NSUN2: variants seen among roughly 807,000 people sequenced by gnomAD.
NSUN2 encodes RNA cytosine C(5)-methyltransferase NSUN2.
In NSUN2, 63 loss-of-function variants were observed where a neutral mutation model predicts 92.7. That is an observed-to-expected ratio of 0.68 (90% CI 0.56 to 0.84). The LOEUF (loss-of-function observed/expected upper bound fraction) is 0.84, where lower values mean the gene tolerates loss of function less well. Among genes scored for constraint, NSUN2 ranks in the 40% least tolerant of loss-of-function variants. The pLI, the probability that NSUN2 is intolerant of heterozygous loss-of-function variation, is 0.00. For synonymous variants in NSUN2, 356 were observed against 348.3 expected (o/e 1.02, Z -0.25); for missense variants, 989 against 964.9 (o/e 1.02, Z -0.33).
At chr5:6,629,910 C>T (rs1452557386) in intron 3 of NSUN2, among the ~76,000 whole-genome samples, 1 of 152,202 alleles carries the variant, frequency 6.6e-6, no homozygotes, top group African/African-American at 2.4e-5. Flanking sequence ...TTTAAGCTTC[C>T]TGAGGCCTCC....
Position 6,607,285 on chromosome 5 carries a change from A to G in NSUN2, c.1423T>C (p.Ser475Pro). The G allele has an allele frequency of 1.2e-6, 2 of 1,614,206 alleles. No homozygotes were observed. The highest frequency in any genetic ancestry group is 1.7e-6 in the Non-Finnish European group (2 of 1,180,032). The change falls in exon 13 of 19, where the codon TCA (serine) becomes CCA (proline). Residue 475 changes from serine to proline, a missense_variant. By Grantham distance (74) the Ser-to-Pro change is moderately conservative. Transcript: ENST00000264670. ...TCTGTGTCACCAGTTCCTGTGAATG[A>G]CGGACTTTCCAGCTTAGAGGGATCT... is the stretch of plus-strand genomic sequence containing the variant. ...PTDPSKLESP[S>P]FTGTGDTEIA...
intron 8 of NSUN2, among the ~76,000 whole-genome samples, chr5:6,617,380 A>G (rs1332264695): frequency 1.3e-5 from 2 of 152,236 alleles, no homozygotes; most frequent in Non-Finnish European, 2.9e-5. Context: ...TGTCAAATGA[A>G]AAAAAGAATA....
At position 6,632,207 on chromosome 5, in the gene NSUN2, C is replaced by A. The variant is rs8192120; in HGVS notation, c.255-230G>T. On this transcript the variant is annotated intron_variant, in intron 2 of 18. Coordinates refer to ENST00000264670, the MANE Select transcript of NSUN2 (RefSeq NM_017755.6). ...TCCTTCTCTCCTAAGCATATCCTAC[C>A]GTTAAGTTTTACTTGCGACTCATTT... 0.45 allele frequency among the ~76,000 whole-genome samples: 67,623 copies of A among 151,462 alleles called. 15,964 individuals carry two copies. Among genetic ancestry groups the A allele is most frequent in the East Asian group, 0.73 (3,760 of 5,118 alleles).
At chr5:6,620,560 C>CA in intron 6 of NSUN2, 1 of 331,062 alleles carries the variant, frequency 3.0e-6, no homozygotes, top group Non-Finnish European at 5.4e-6. Context: ...ATTACCATGC[C>CA]AAAAATGTCT....
In NSUN2 at chr5:6,604,225, T is replaced by C. The variant is rs780042180; in HGVS notation, c.1870A>G (p.Met624Val). ...FINSRIITVS[M>V]EDVKILLTQE... The stretch of plus-strand genomic sequence containing the variant: ...GTCAACAGTATCTTAACATCTTCCA[T>C]TGATACAGTAATAATTCTTGAGTTA... The change falls in exon 17 of 19, where the codon ATG (methionine) becomes GTG (valine). Residue 624 changes from methionine (M) to valine (V), a missense_variant. Coordinates refer to ENST00000264670, the MANE Select transcript of NSUN2 (RefSeq NM_017755.6). 33 of 1,606,854 alleles carry C rather than the reference T, an allele frequency of 2.1e-5. No homozygotes were observed. The highest frequency in any genetic ancestry group is 1.7e-4 in the South Asian group (15 of 90,890).
At chr5:6,604,538 G>C in intron 16 of NSUN2, 67 bp downstream of exon 16, 1 of 1,400,264 alleles carries the variant, frequency 7.1e-7, no homozygotes. Context: ...TGACCAGCAA[G>C]CCCATCTACT....
At chr5:6,602,247 C>T (rs2126466879) in intron 18 of NSUN2, among the ~76,000 whole-genome samples, 1 of 152,342 alleles carries the variant, frequency 6.6e-6, no homozygotes, top group Non-Finnish European at 1.5e-5. Context: ...TAAAAATTCA[C>T]TTAGCCTGAG....
At chr5:6,605,212 C>A in intron 15 of NSUN2, 61 bp downstream of exon 15, 1 of 1,594,056 alleles carries the variant, frequency 6.3e-7, no homozygotes, top group Non-Finnish European at 8.6e-7. Context: ...AAATCTAAGC[C>A]GCTGTGAAAA....
At chr5:6,626,560 C>G (rs10462820) in intron 3 of NSUN2, among the ~76,000 whole-genome samples, 103,175 of 151,986 alleles carry the variant, frequency 0.68, 35,170 homozygotes, top group Middle Eastern at 0.74. Context: ...TGTTGGCCAG[C>G]TTGGTCTCGA....
chr5:6,612,691 G>A (rs1026939807), intron 9 of NSUN2, among the ~76,000 whole-genome samples: 12 of 152,348 alleles, frequency 7.9e-5, no homozygotes, highest in African/African-American at 2.4e-4. Flanking sequence ...AGCAAGCATC[G>A]TACTGACTTC....
At chr5:6,605,434 T>C in intron 14 of NSUN2, 26 bp from the exon 15 acceptor site, 1 of 1,610,020 alleles carries the variant, frequency 6.2e-7, no homozygotes, top group Non-Finnish European at 8.5e-7. Flanking sequence ...TTGTTGTTTA[T>C]CCACAATGAG....
Position 6,607,257 on chromosome 5 carries a change from A to C in NSUN2, c.1451T>G (p.Ile484Arg), listed in dbSNP as rs202193229. 1 of 1,614,032 alleles carries C rather than the reference A, an allele frequency of 6.2e-7. No homozygotes were observed. The highest frequency in any genetic ancestry group is 8.5e-7 in the Non-Finnish European group (1 of 1,180,026). Residue 484 changes from isoleucine to arginine, a missense_variant, in exon 13 of 19, where the codon ATA becomes AGA. Physicochemically the swap from Ile to Arg is moderately conservative, Grantham distance 97. Coordinates refer to ENST00000264670, the MANE Select transcript of NSUN2 (RefSeq NM_017755.6). ...CTCTAAATCCTCAGTTGCATGAGCT[A>C]TTTCTGTGTCACCAGTTCCTGTGAA... ...PSFTGTGDTE[I>R]AHATEDLENN...
At chr5:6,610,475 G>A (rs1736941617) in intron 11 of NSUN2, among the ~76,000 whole-genome samples, 2 of 152,032 alleles carry the variant, frequency 1.3e-5, no homozygotes, top group African/African-American at 2.4e-5. Flanking sequence ...GATAACCTGA[G>A]GTTGGGAGTT....
intron 8 of NSUN2, among the ~76,000 whole-genome samples, chr5:6,617,413 T>C (rs1737254370): frequency 6.6e-6 from 1 of 152,186 alleles, no homozygotes; most frequent in African/African-American, 2.4e-5. Flanking sequence ...GACAGCATGA[T>C]CAAAAGTATT....
intron 16 of NSUN2, 67 bp downstream of exon 16, chr5:6,604,538 G>T: frequency 1.4e-6 from 2 of 1,400,262 alleles, no homozygotes; most frequent in Non-Finnish European, 2.0e-6. Context: ...TGACCAGCAA[G>T]CCCATCTACT....
chr5:6,607,022 C>T (rs114937174), intron 13 of NSUN2, 110 bp from the exon 14 acceptor site: 47,767 of 957,236 alleles, frequency 0.05, 1,857 homozygotes, highest in East Asian at 0.2. Flanking sequence ...GAACGGTTTG[C>T]GGCAGATGTT....
At chr5:6,605,135 G>A in intron 15 of NSUN2, 138 bp downstream of exon 15, 2 of 1,125,824 alleles carry the variant, frequency 1.8e-6, no homozygotes, top group Non-Finnish European at 2.5e-6. Flanking sequence ...AAATCAAAGG[G>A]CAGGCTCAGG....
Position 6,614,114 on chromosome 5 carries a change from A to C in NSUN2, c.1022-2316T>G, listed in dbSNP as rs912505764. 1.1e-4 allele frequency among the ~76,000 whole-genome samples: 11 copies of C among 96,748 alleles called. 1 individual carries two copies. The highest frequency in any genetic ancestry group is 4.5e-4 in the African/African-American group (11 of 24,450). 63.5% of individuals were successfully genotyped at this position (96,748 alleles called of 152,430 possible). A position where few individuals can be genotyped will look rare whatever the true frequency, so the allele number is the denominator to read the frequency against. ...GTCTCGGAAAAAAAAAAAAAAAAAA[A>C]AAAAAAAACCCACAACACACACATA... is the stretch of plus-strand genomic sequence containing the variant. On this transcript the variant is annotated intron_variant, in intron 9 of 18. Transcript: ENST00000264670.
intron 12 of NSUN2, among the ~76,000 whole-genome samples, chr5:6,608,503 T>C (rs1736870954): frequency 6.6e-6 from 1 of 152,216 alleles, no homozygotes; most frequent in Admixed American, 6.5e-5. Flanking sequence ...ACTAGATCTG[T>C]TGAACTAAGT....
Sources: allele counts gnomAD v4.1 joint callset (sites outside exome capture counted in the v4.1 genomes callset), GRCh38; gene constraint gnomAD v4.1.1; transcripts MANE v1.5; gene names NCBI Gene and HGNC (gene_info 2026-07-23, HGNC 2026-07-21).